The following MIA3 variants were observed in gnomAD, a reference collection of about 807,000 sequenced individuals.
The protein encoded by MIA3 is MIA SH3 domain ER export factor 3, also known as transport and Golgi organization protein 1 homolog.
Under a neutral mutation model 192.4 loss-of-function variants are expected in MIA3, and 90 were observed. The ratio of observed to expected loss-of-function variants is 0.47; its 90% CI spans 0.39 to 0.56. MIA3 has a LOEUF of 0.56. Among genes scored for constraint, MIA3 ranks in the 20% least tolerant of loss-of-function variants. The pLI is 0.00. For synonymous variants in MIA3, 740 were observed against 792.8 expected, an observed-to-expected ratio of 0.93 and a Z score of 1.12; for missense variants, 2,123 against 2,269.4, an observed-to-expected ratio of 0.94 and a Z score of 1.31.
chr1:222,619,745 G>C (rs1443298705), intron 1 of MIA3, among the ~76,000 whole-genome samples: 3 of 152,230 alleles, frequency 2.0e-5, no homozygotes, highest in African/African-American at 7.2e-5. Flanking sequence ...TGTTAGAAGA[G>C]CTCACGGTTG....
chr1:222,648,937 C>T, intron 8 of MIA3, 87 bp downstream of exon 8: 1 of 848,272 alleles, frequency 1.2e-6, no homozygotes, highest in East Asian at 2.7e-5. Context: ...GTTTTAGTAA[C>T]TTCTGATGTC....
Position 222,621,737 on chromosome 1 carries a change from G to A in MIA3, c.267+445G>A, listed in dbSNP as rs2102711674. Among the ~76,000 whole-genome samples the A allele has an allele frequency of 1.3e-5, 2 of 151,734 alleles. 1 individual carries two copies. The highest frequency in any genetic ancestry group is 4.2e-4 in the South Asian group (2 of 4,800). On this transcript the variant is annotated intron_variant, in intron 2 of 27. Transcript: ENST00000344922. ...TGAAAAAGTGGCAGTCTTGGGAACA[G>A]TTCCCTAATCATCTGTGCTATTATA...
intron 15 of MIA3, among the ~76,000 whole-genome samples, chr1:222,653,668 G>A (rs897978015): frequency 1.3e-5 from 2 of 152,172 alleles, no homozygotes; most frequent in Non-Finnish European, 2.9e-5. Flanking sequence ...TTTAAAACTT[G>A]TCATCTCAGT....
At chr1:222,644,869 TGC>T (rs1663060618) in intron 6 of MIA3, among the ~76,000 whole-genome samples, 1 of 152,160 alleles carries the variant, frequency 6.6e-6, no homozygotes, top group Non-Finnish European at 1.5e-5. Context: ...AGGTCTTTTC[TGC>T]ATAACCCCCG....
At chr1:222,645,504 A>G (rs1460032685) in intron 6 of MIA3, 50 bp from the exon 7 acceptor site, 2 of 1,515,864 alleles carry the variant, frequency 1.3e-6, no homozygotes, top group South Asian at 2.5e-5. Context: ...GCTTTATGGT[A>G]AGCTTCTTTA....
In MIA3 at chr1:222,640,326, T is replaced by C. The variant is rs554432081; in HGVS notation, c.3478-5228T>C. Reference sequence around the variant, plus strand: ...GATTTTTTTTTAAATGACAAGCTGATTCTACAATTCATATGGAAAATGCAG... The same window carrying C: ...GATTTTTTTTTAAATGACAAGCTGACTCTACAATTCATATGGAAAATGCAG... On this transcript the variant is annotated intron_variant, in intron 6 of 27. Transcript: ENST00000344922. Among the ~76,000 whole-genome samples, 6 of 152,220 alleles carry C rather than the reference T, an allele frequency of 3.9e-5. No homozygotes were observed. The South Asian group carries it at 1.2e-3, about 32-fold the overall frequency.
chr1:222,665,737 C>A lies in MIA3; in HGVS notation c.*118C>A. The A allele has an allele frequency of 1.2e-6, 1 of 849,838 alleles. No individual in the cohort carries two copies. Among genetic ancestry groups the A allele is most frequent in the Non-Finnish European group, 1.7e-6 (1 of 593,010 alleles). The allele number at this position is 849,838 out of a possible 1,614,324, so 52.6% of individuals were successfully genotyped here. A position where few individuals can be genotyped will look rare whatever the true frequency, so the allele number is the denominator to read the frequency against. On this transcript the variant is annotated 3_prime_UTR_variant, in exon 28 of 28. Transcript: ENST00000344922. ...TATTTTAAAAGGTTTGTTGTTAGAA[C>A]TAAGCTGCCTTGGCAGTGTGCATTT...
intron 18 of MIA3, 113 bp from the exon 19 acceptor site, chr1:222,658,609 A>G (rs761232997): frequency 4.1e-6 from 3 of 723,758 alleles, no homozygotes; most frequent in African/African-American, 1.8e-5. Context: ...GTGACTTTGT[A>G]TAATCTATGC....
chr1:222,654,306 C>A lies in MIA3; in HGVS notation c.4377+8C>A, dbSNP rs370999989. 1 of 1,613,726 alleles carries A rather than the reference C, an allele frequency of 6.2e-7. No individual in the cohort carries two copies. Among genetic ancestry groups the A allele is most frequent in the Admixed American group, 1.7e-5 (1 of 59,998 alleles). ...ATGATGGATGTCTCTCGGGTATAAT[C>A]GTTTTTAGAGTCCCATAATTGCCTG... On this transcript the variant is annotated splice_region_variant and intron_variant, in intron 16 of 27. Coordinates refer to ENST00000344922, the MANE Select transcript of MIA3 (RefSeq NM_198551.4).
chr1:222,664,422 A>G (rs1664177336), intron 27 of MIA3, among the ~76,000 whole-genome samples: 1 of 152,206 alleles, frequency 6.6e-6, no homozygotes, highest in Non-Finnish European at 1.5e-5. Flanking sequence ...GTGGCTGTGT[A>G]CTAGGCTCTG....
At chr1:222,631,687 A>C (rs1378722757) in intron 4 of MIA3, among the ~76,000 whole-genome samples, 1 of 152,198 alleles carries the variant, frequency 6.6e-6, no homozygotes, top group Non-Finnish European at 1.5e-5. Context: ...AGATGGCTTC[A>C]CTTTGTTTGA....
chr1:222,640,422 G>A (rs1425435083), intron 6 of MIA3, among the ~76,000 whole-genome samples: 1 of 152,090 alleles, frequency 6.6e-6, no homozygotes, highest in African/African-American at 2.4e-5. Flanking sequence ...TAAGACAGCA[G>A]ATGAATAGAC....
chr1:222,642,952 CATAAT>C (rs1662928486), intron 6 of MIA3, among the ~76,000 whole-genome samples: 1 of 152,180 alleles, frequency 6.6e-6, no homozygotes, highest in African/African-American at 2.4e-5. Flanking sequence ...ATTAATCCTT[CATAAT>C]ATGTTACAAA....
rs748139688 is a variant in MIA3, at chr1:222,630,149, A to G, written c.2929A>G (p.Lys977Glu). ...LPYNMEKVLD[K>E]VFRASESQIL... The stretch of plus-strand genomic sequence containing the variant: ...CTATAATATGGAAAAAGTCCTAGAT[A>G]AGGTCTTCCGTGCTTCTGAGTCACA... Residue 977 changes from lysine to glutamate, a missense_variant, in exon 4 of 28, where the codon AAG becomes GAG. Lys to Glu is a moderately conservative substitution (Grantham distance 56). Transcript: ENST00000344922. 1.9e-6 allele frequency: 3 copies of G among 1,614,238 alleles called. No individual in the cohort carries two copies. The highest frequency in any genetic ancestry group is 2.5e-6 in the Non-Finnish European group (3 of 1,180,036).
intron 6 of MIA3, among the ~76,000 whole-genome samples, chr1:222,642,324 AAAG>A (rs1662899307): frequency 6.6e-6 from 1 of 152,188 alleles, no homozygotes; most frequent in Admixed American, 6.5e-5. Context: ...TTCTTAGATA[AAAG>A]TAGTAGTCTC....
Position 222,654,405 on chromosome 1 carries a change from C to G in MIA3, c.4394C>G (p.Ser1465Trp). ...MDVSRTQTAI[S>W]VVEEDLKLLQ... ...AATTTTTAGACACAGACTGCAATATCGGTAGTTGAAGAGGATCTAAAGCTT... is the reference window on the plus strand; with the variant it reads ...AATTTTTAGACACAGACTGCAATATGGGTAGTTGAAGAGGATCTAAAGCTT... Residue 1465 changes from serine to tryptophan, a missense_variant, in exon 17 of 28, where the codon TCG becomes TGG. Ser to Trp is a radical substitution (Grantham distance 177, BLOSUM62 -3). Coordinates refer to ENST00000344922, the MANE Select transcript of MIA3 (RefSeq NM_198551.4). 6.2e-7 allele frequency: 1 copy of G among 1,613,626 alleles called. No homozygotes were observed. Among genetic ancestry groups the G allele is most frequent in the East Asian group, 2.2e-5 (1 of 44,874 alleles).
rs755034206 is a variant in MIA3 at position 222,629,236 on chromosome 1, T to G, written c.2016T>G (p.Ser672Arg). The G allele has an allele frequency of 6.2e-7, 1 of 1,613,600 alleles. No homozygotes were observed. The highest frequency in any genetic ancestry group is 8.5e-7 in the Non-Finnish European group (1 of 1,179,918). ...CTGCCACAGCCAGTAAGCAAATGAG[T>G]GAGAAGATAAGGCTCTCTGAGGGAG... is the stretch of plus-strand genomic sequence containing the variant. ...DVAATASKQM[S>R]EKIRLSEGEA... The change falls in exon 4 of 28, where the codon AGT (serine) becomes AGG (arginine). Residue 672 changes from serine to arginine, a missense_variant. Coordinates refer to ENST00000344922, the MANE Select transcript of MIA3 (RefSeq NM_198551.4).
chr1:222,648,331 T>C (rs1356379747), intron 7 of MIA3, among the ~76,000 whole-genome samples: 1 of 152,222 alleles, frequency 6.6e-6, no homozygotes, highest in Non-Finnish European at 1.5e-5. Flanking sequence ...GTAGGATTTC[T>C]GAGATGTTTT....
chr1:222,625,822 C>T (rs187255062), intron 3 of MIA3, among the ~76,000 whole-genome samples: 30 of 152,176 alleles, frequency 2.0e-4, no homozygotes, highest in East Asian at 1.2e-3. Flanking sequence ...CTGCAGCCTC[C>T]GCCTCCCAGG....
Sources: gnomAD v4.1 joint callset for allele counts (sites outside exome capture counted in the v4.1 genomes callset) on GRCh38, gnomAD v4.1.1 for gene constraint, MANE v1.5 for transcripts, NCBI Gene and HGNC (gene_info 2026-07-23, HGNC 2026-07-21) for gene names.